Variants in RYR3 observed in about 807,000 individuals in gnomAD.
RYR3 encodes brain ryanodine receptor-calcium release channel.
In RYR3, 207 loss-of-function variants were observed where a neutral mutation model predicts 584.3. The observed-to-expected ratio is 0.35, with a 90% CI of 0.32 to 0.40. The LOEUF (loss-of-function observed/expected upper bound fraction) is 0.40. Ranked by LOEUF, RYR3 falls within the 10% of genes least tolerant of loss-of-function variation. The pLI, the probability that RYR3 is intolerant of heterozygous loss-of-function variation, is 1.00. For missense variants in RYR3, 5,616 were observed against 6,089.2 expected, an observed-to-expected ratio of 0.92 and a Z score of 2.59; for synonymous variants, 2,416 against 2,248.5, an observed-to-expected ratio of 1.07 and a Z score of -2.11.
At position 33,817,057 on chromosome 15, in the gene RYR3, G is replaced by A. The variant is rs1465136434; in HGVS notation, c.10599+99G>A. 1.5e-5 allele frequency: 11 copies of A among 737,078 alleles called. No individual in the cohort carries two copies. In the South Asian group the frequency reaches 1.6e-4, roughly 10 times the overall value. 45.7% of individuals were successfully genotyped at this position (737,078 alleles called of 1,614,324 possible). ...AACAGTTAAACATTCACAAGGAATC[G>A]TGTGTATACAGTTGAAAAGCACTAA... On this transcript the variant is annotated intron_variant, in intron 75 of 103. Transcript: ENST00000634891.
chr15:33,355,139 G>A lies in RYR3; in HGVS notation c.51+44043G>A, dbSNP rs536582163. 5.4e-5 allele frequency among the ~76,000 whole-genome samples: 8 copies of A among 149,232 alleles called. No homozygotes were observed. The South Asian group carries it at 1.1e-3, about 20-fold the overall frequency. On this transcript the variant is annotated intron_variant, in intron 1 of 103. Coordinates refer to ENST00000634891, the MANE Select transcript of RYR3 (RefSeq NM_001036.6). ...GCGGAGGTTGCAGTGAGCTGAGATC[G>A]TGCCATTGCACTCCAGCCTGAGGGA...
intron 39 of RYR3, among the ~76,000 whole-genome samples, chr15:33,697,152 T>G (rs2065911329): frequency 3.3e-5 from 5 of 152,140 alleles, no homozygotes. Context: ...TAACTTTTCA[T>G]CCTACCACCC....
chr15:33,669,589 T>A, intron 37 of RYR3, 133 bp downstream of exon 37: 1 of 725,902 alleles, frequency 1.4e-6, no homozygotes, highest in Non-Finnish European at 2.3e-6. Flanking sequence ...TTTCAAGACG[T>A]GACTATCCTA....
chr15:33,357,920 T>A (rs1974208733), intron 1 of RYR3, among the ~76,000 whole-genome samples: 1 of 152,238 alleles, frequency 6.6e-6, no homozygotes, highest in Non-Finnish European at 1.5e-5. Context: ...AAAACTTTAC[T>A]AGAAGGAGGG....
chr15:33,461,536 C>T (rs1567288853), intron 1 of RYR3, among the ~76,000 whole-genome samples: 1 of 152,060 alleles, frequency 6.6e-6, no homozygotes. Flanking sequence ...AACATGTTTT[C>T]CATATGATCG....
At chr15:33,729,780 A>C (rs1345751645) in intron 47 of RYR3, among the ~76,000 whole-genome samples, 1 of 152,124 alleles carries the variant, frequency 6.6e-6, no homozygotes. Context: ...AGTCTAAAAA[A>C]CATCTTTCCA....
chr15:33,623,822 G>C lies in RYR3; in HGVS notation c.2373G>C (p.Met791Ile). Residue 791 changes from methionine (M) to isoleucine (I), a missense_variant, in exon 20 of 104, where the codon ATG (methionine) becomes ATC (isoleucine). Physicochemically the swap from Met to Ile is conservative, Grantham distance 10. Coordinates refer to ENST00000634891, the MANE Select transcript of RYR3 (RefSeq NM_001036.6). ...FSAGVKVRFL[M>I]GGRHGEFKFL... is the part of the protein sequence containing the mutation. Reference sequence around the variant, plus strand: ...CAAATGACAGAGTACGTTTCCTGATGGGTGGACGTCATGGAGAGTTTAAGT... The same window carrying C: ...CAAATGACAGAGTACGTTTCCTGATCGGTGGACGTCATGGAGAGTTTAAGT... 1 of 1,611,916 alleles carries C rather than the reference G, an allele frequency of 6.2e-7. No homozygotes were observed. The highest frequency in any genetic ancestry group is 8.5e-7 in the Non-Finnish European group (1 of 1,178,090).
chr15:33,716,953 TTCA>T (rs1478581678), intron 43 of RYR3, among the ~76,000 whole-genome samples: 16 of 152,322 alleles, frequency 1.1e-4, no homozygotes, highest in African/African-American at 3.8e-4. Context: ...AAGGCTGATT[TTCA>T]TCATCTTATT....
chr15:33,511,329 TAA>T (rs34328973), intron 3 of RYR3, among the ~76,000 whole-genome samples: 2,708 of 119,314 alleles, frequency 0.023, 83 homozygotes, highest in African/African-American at 0.079. Flanking sequence ...TTTCTCTCTT[TAA>T]AAAAAAAAAA....
At chr15:33,584,533 T>A in intron 15 of RYR3, 43 bp downstream of exon 15, 20 of 828,036 alleles carry the variant, frequency 2.4e-5, no homozygotes, top group Middle Eastern at 2.3e-4. Context: ...GATGAAGGGT[T>A]TTTTTTTTCT....
rs778316607 is a variant in RYR3 at position 33,848,367 on chromosome 15, A to G, written c.13574A>G (p.Gln4525Arg). 2 of 1,613,814 alleles carry G rather than the reference A, an allele frequency of 1.2e-6. No homozygotes were observed. Among genetic ancestry groups the G allele is most frequent in the Non-Finnish European group, 1.7e-6 (2 of 1,179,902 alleles). ...TTTGATGGCCTATATATCACCGAACAGCCATCTGAAGATGACATCAAGGGG... is the reference window on the plus strand; with the variant it reads ...TTTGATGGCCTATATATCACCGAACGGCCATCTGAAGATGACATCAAGGGG... Reference protein sequence around the residue: ...LEFDGLYITEQPSEDDIKGQW... With the variant: ...LEFDGLYITERPSEDDIKGQW... Residue 4525 changes from glutamine (Q) to arginine (R), a missense_variant, in exon 94 of 104, where the codon CAG (glutamine) becomes CGG (arginine). Physicochemically the swap from Gln to Arg is conservative, Grantham distance 43 (BLOSUM62 1). This residue lies in a region of RYR3 where 918 missense variants were observed against 887.4 expected (regional missense o/e 1.03). Transcript: ENST00000634891.
intron 42 of RYR3, 98 bp from the exon 43 acceptor site, chr15:33,706,821 C>A: frequency 8.2e-7 from 1 of 1,220,440 alleles, no homozygotes; most frequent in Non-Finnish European, 1.1e-6. Flanking sequence ...GTTCCAACTT[C>A]TCTACATCCT....
chr15:33,617,694 A>G (rs1373394457), intron 19 of RYR3, among the ~76,000 whole-genome samples: 1 of 152,130 alleles, frequency 6.6e-6, no homozygotes, highest in Non-Finnish European at 1.5e-5. Context: ...TGAATTTTTA[A>G]AATAATTTTT....
At chr15:33,704,281 CAA>C (rs5811787) in intron 42 of RYR3, among the ~76,000 whole-genome samples, 43 of 113,814 alleles carry the variant, frequency 3.8e-4, no homozygotes, top group African/African-American at 1.1e-3. Context: ...GACTCCGTCT[CAA>C]AAAAAAAAAA....
chr15:33,554,145 A>T (rs2056893565), intron 10 of RYR3, among the ~76,000 whole-genome samples: 1 of 152,104 alleles, frequency 6.6e-6, no homozygotes, highest in Admixed American at 6.5e-5. Context: ...GCCCTGGATG[A>T]CAAGGACCAC....
intron 1 of RYR3, among the ~76,000 whole-genome samples, chr15:33,312,232 C>A (rs1967425973): frequency 6.6e-6 from 1 of 152,194 alleles, no homozygotes; most frequent in African/African-American, 2.4e-5. Flanking sequence ...GCCCCCTTCT[C>A]CATGACCTGG....
chr15:33,462,610 T>C (rs1423003977), intron 1 of RYR3, among the ~76,000 whole-genome samples: 1 of 152,080 alleles, frequency 6.6e-6, no homozygotes, highest in Non-Finnish European at 1.5e-5. Context: ...CAATGATAAA[T>C]AGGAAGATAA....
intron 38 of RYR3, among the ~76,000 whole-genome samples, chr15:33,689,695 G>A (rs948987168): frequency 6.6e-6 from 1 of 152,066 alleles, no homozygotes; most frequent in African/African-American, 2.4e-5. Context: ...AAGAAAAGAG[G>A]GAGATCTTAT....
Position 33,750,398 on chromosome 15 carries a change from T to A in RYR3, c.8399+112T>A, listed in dbSNP as rs1295975928. On this transcript the variant is annotated intron_variant, in intron 57 of 103. Coordinates refer to ENST00000634891, the MANE Select transcript of RYR3 (RefSeq NM_001036.6). Reference sequence around the variant, plus strand: ...AGGAGAACAATTGAGTCTTTTAAAATGAGAACATTTTTATTTTAGAACATG... The same window carrying A: ...AGGAGAACAATTGAGTCTTTTAAAAAGAGAACATTTTTATTTTAGAACATG... 3 of 1,054,124 alleles carry A rather than the reference T, an allele frequency of 2.8e-6. No homozygotes were observed. The Admixed American group carries it at 9.1e-5, about 32-fold the overall frequency. 65.3% of individuals were successfully genotyped at this position (1,054,124 alleles called of 1,614,324 possible). A position where few individuals can be genotyped will look rare whatever the true frequency, so the allele number is the denominator to read the frequency against.
Sources: allele counts gnomAD v4.1 joint callset (sites outside exome capture counted in the v4.1 genomes callset), GRCh38; gene constraint gnomAD v4.1.1; regional missense constraint gnomAD v4.1.1; transcripts MANE v1.5; gene names NCBI Gene and HGNC (gene_info 2026-07-23, HGNC 2026-07-21).